CADM2: variants seen among roughly 807,000 people sequenced by gnomAD.
CADM2 encodes immunoglobulin superfamily member 4D.
Under a neutral mutation model 49.8 loss-of-function variants are expected in CADM2, and 12 were observed. That is an observed-to-expected ratio of 0.24 (90% CI 0.15 to 0.39). The LOEUF is 0.39. CADM2 is among the 10% of genes least tolerant of loss of function. The pLI is 1.00. For synonymous variants in CADM2, 214 were observed against 175.4 expected (o/e 1.22, Z -1.74); for missense variants, 378 against 492.3 (o/e 0.77, Z 2.20).
intron 1 of CADM2, among the ~76,000 whole-genome samples, chr3:85,084,700 G>A (rs2037304476): frequency 6.6e-6 from 1 of 151,914 alleles, no homozygotes; most frequent in South Asian, 2.1e-4. Flanking sequence ...TTAGAATATG[G>A]CTACTAAAAA....
intron 1 of CADM2, among the ~76,000 whole-genome samples, chr3:85,617,645 G>A (rs760913652): frequency 3.9e-5 from 6 of 152,084 alleles, no homozygotes; most frequent in Non-Finnish European, 7.4e-5. Flanking sequence ...AGTTTGGGGC[G>A]TGGGGCTGAA....
intron 1 of CADM2, among the ~76,000 whole-genome samples, chr3:85,678,303 C>G (rs1028952008): frequency 2.0e-5 from 3 of 152,062 alleles, no homozygotes; most frequent in Non-Finnish European, 2.9e-5. Context: ...TTGATAAGGC[C>G]ATCTTTTTTG....
chr3:85,823,943 G>T (rs1339538460), intron 3 of CADM2, among the ~76,000 whole-genome samples: 1 of 152,074 alleles, frequency 6.6e-6, no homozygotes, highest in Non-Finnish European at 1.5e-5. Flanking sequence ...CGCGAGATTA[G>T]AGAAAAAACA....
At chr3:85,641,916 G>A (rs1184733131) in intron 1 of CADM2, among the ~76,000 whole-genome samples, 1 of 151,978 alleles carries the variant, frequency 6.6e-6, no homozygotes, top group Non-Finnish European at 1.5e-5. Flanking sequence ...GGGCAACAGA[G>A]CGAGACTCCG....
chr3:85,157,351 T>C (rs1286182942), intron 1 of CADM2, among the ~76,000 whole-genome samples: 2 of 151,408 alleles, frequency 1.3e-5, no homozygotes, highest in East Asian at 1.9e-4. Context: ...TTAAAGTTCA[T>C]ATGGAACCAA....
intron 8 of CADM2, among the ~76,000 whole-genome samples, chr3:85,968,060 C>T (rs1423215807): frequency 6.6e-6 from 1 of 151,498 alleles, no homozygotes; most frequent in African/African-American, 2.4e-5. Flanking sequence ...AAAAGGCATC[C>T]ATACTGAGCA....
intron 1 of CADM2, among the ~76,000 whole-genome samples, chr3:85,543,001 T>G (rs2061579935): frequency 6.6e-6 from 1 of 152,200 alleles, no homozygotes. Flanking sequence ...TTGGTCAAAC[T>G]ATCATTTTTA....
chr3:85,916,528 T>G (rs1408551333), intron 6 of CADM2, among the ~76,000 whole-genome samples: 1 of 151,950 alleles, frequency 6.6e-6, no homozygotes, highest in Non-Finnish European at 1.5e-5. Context: ...TGCATAGTAT[T>G]CCATGGTGTA....
chr3:85,407,582 C>CT (rs2035446345), intron 1 of CADM2, among the ~76,000 whole-genome samples: 1 of 152,148 alleles, frequency 6.6e-6, no homozygotes, highest in South Asian at 2.1e-4. Flanking sequence ...TTCTGCATGA[C>CT]TTTTTGCTCC....
At chr3:85,654,391 T>C (rs2065138295) in intron 1 of CADM2, among the ~76,000 whole-genome samples, 1 of 152,130 alleles carries the variant, frequency 6.6e-6, no homozygotes, top group Non-Finnish European at 1.5e-5. Flanking sequence ...GGAAAAAGTA[T>C]GCAGGGTTCA....
chr3:85,873,392 C>T (rs988462286), intron 3 of CADM2, among the ~76,000 whole-genome samples: 2 of 151,970 alleles, frequency 1.3e-5, no homozygotes, highest in Non-Finnish European at 2.9e-5. Flanking sequence ...GTCAGCCAAA[C>T]GTGGTGGCTG....
intron 1 of CADM2, among the ~76,000 whole-genome samples, chr3:85,530,393 C>G (rs537581637): frequency 1.5e-5 from 2 of 133,658 alleles, no homozygotes; most frequent in South Asian, 2.4e-4. Context: ...TGCAGTGGCG[C>G]GATCTCGGCT....
At chr3:85,695,681 C>G (rs2066529914) in intron 1 of CADM2, among the ~76,000 whole-genome samples, 1 of 152,014 alleles carries the variant, frequency 6.6e-6, no homozygotes, top group African/African-American at 2.4e-5. Flanking sequence ...TAGGCTGATT[C>G]TGTATCTTTG....
At chr3:85,287,056 G>A (rs536759499) in intron 1 of CADM2, among the ~76,000 whole-genome samples, 1 of 152,072 alleles carries the variant, frequency 6.6e-6, no homozygotes, top group South Asian at 2.1e-4. Flanking sequence ...TTACATCTTT[G>A]GAGTAGCAGA....
intron 1 of CADM2, among the ~76,000 whole-genome samples, chr3:85,112,550 T>C (rs1365152419): frequency 6.6e-6 from 1 of 151,842 alleles, no homozygotes; most frequent in African/African-American, 2.4e-5. Context: ...CCGTATAAAG[T>C]TGACCTACAA....
rs185972255 is a variant in CADM2, at chr3:85,231,800, C to T, written c.61+272132C>T. On this transcript the variant is annotated intron_variant, in intron 1 of 9. Coordinates refer to ENST00000383699, the MANE Select transcript of CADM2 (RefSeq NM_001167675.2). Reference sequence around the variant, plus strand: ...CAATCTCGGCTCACTGCAACCTCTGCCCCCCAAGTTCAAGTGATTCTCCTT... The same window carrying T: ...CAATCTCGGCTCACTGCAACCTCTGTCCCCCAAGTTCAAGTGATTCTCCTT... Among the ~76,000 whole-genome samples the T allele has an allele frequency of 2.4e-3, 355 of 150,862 alleles. 1 individual carries two copies. The highest frequency in any genetic ancestry group is 8.3e-3 in the African/African-American group (342 of 41,098).
At chr3:85,587,555 C>T (rs1384358645) in intron 1 of CADM2, among the ~76,000 whole-genome samples, 1 of 151,880 alleles carries the variant, frequency 6.6e-6, no homozygotes, top group Non-Finnish European at 1.5e-5. Flanking sequence ...ATAGTCAACC[C>T]CTATGATCCT....
chr3:85,120,254 C>T (rs1196588451), intron 1 of CADM2, among the ~76,000 whole-genome samples: 1 of 152,146 alleles, frequency 6.6e-6, no homozygotes, highest in Non-Finnish European at 1.5e-5. Flanking sequence ...ACTAGTTCAA[C>T]CATTGTGGAA....
intron 1 of CADM2, among the ~76,000 whole-genome samples, chr3:85,628,519 A>G (rs970527518): frequency 1.3e-5 from 2 of 148,948 alleles, no homozygotes; most frequent in Non-Finnish European, 3.0e-5. Flanking sequence ...ATACATATAT[A>G]TATATACACA....
Sources: allele counts gnomAD v4.1 joint callset (sites outside exome capture counted in the v4.1 genomes callset), GRCh38; gene constraint gnomAD v4.1.1; transcripts MANE v1.5; gene names NCBI Gene and HGNC (gene_info 2026-07-23, HGNC 2026-07-21).